The following CBFB variants were observed in gnomAD, a reference collection of about 807,000 sequenced individuals.
CBFB encodes the protein CBF-beta.
CBFB carries 9 observed loss-of-function variants against 30.4 expected under a neutral mutation model. That is an observed-to-expected ratio of 0.30 (90% CI 0.18 to 0.52). The LOEUF is 0.52. Ranked by LOEUF, CBFB falls within the 20% of genes least tolerant of loss-of-function variation. The pLI, the probability that CBFB is intolerant of heterozygous loss-of-function variation, is 0.97. For missense variants in CBFB, 170 were observed against 244.0 expected (o/e 0.70, Z 2.02); for synonymous variants, 94 against 84.0 (o/e 1.12, Z -0.65).
At chr16:67,088,001 A>G (rs1250862285) in intron 5 of CBFB, among the ~76,000 whole-genome samples, 1 of 152,178 alleles carries the variant, frequency 6.6e-6, no homozygotes, top group Non-Finnish European at 1.5e-5. Flanking sequence ...TCTGAAGTGT[A>G]TCAAGGCACT....
chr16:67,065,629 T>C lies in CBFB; in HGVS notation c.283-1053T>C, dbSNP rs549611574. On this transcript the variant is annotated intron_variant, in intron 3 of 5. Coordinates refer to ENST00000412916, the MANE Select transcript of CBFB (RefSeq NM_022845.3). Reference sequence around the variant, plus strand: ...CTGGCCTCAAATGATCCTCACACCTTGGCCTCCCAAAGTACTGGGATAACA... The same window carrying C: ...CTGGCCTCAAATGATCCTCACACCTCGGCCTCCCAAAGTACTGGGATAACA... 1.3e-4 allele frequency among the ~76,000 whole-genome samples: 20 copies of C among 152,318 alleles called. 1 individual carries two copies. In the South Asian group the frequency reaches 4.1e-3, roughly 32 times the overall value.
At chr16:67,030,054 G>C (rs1966308182) in intron 2 of CBFB, 1 of 443,198 alleles carries the variant, frequency 2.3e-6, no homozygotes, top group African/African-American at 2.1e-5. Flanking sequence ...CGCGAGTGGA[G>C]CTCGAACCCG....
At chr16:67,071,954 A>C (rs907639913) in intron 4 of CBFB, among the ~76,000 whole-genome samples, 1 of 152,146 alleles carries the variant, frequency 6.6e-6, no homozygotes, top group Non-Finnish European at 1.5e-5. Flanking sequence ...AGCCGGTGGC[A>C]GCCTCACTTC....
intron 4 of CBFB, among the ~76,000 whole-genome samples, chr16:67,077,842 G>T (rs1029065581): frequency 1.3e-5 from 2 of 152,216 alleles, no homozygotes; most frequent in African/African-American, 4.8e-5. Context: ...CGAATATTCT[G>T]TGTATGCTCT....
intron 3 of CBFB, among the ~76,000 whole-genome samples, chr16:67,038,308 A>G (rs958222882): frequency 7.3e-5 from 11 of 151,468 alleles, no homozygotes; most frequent in East Asian, 1.9e-4. Flanking sequence ...ACACGTATAT[A>G]TGTGTATATA....
chr16:67,037,666 A>ATTTTTTTTTTTTTTT (rs35804914), intron 3 of CBFB, among the ~76,000 whole-genome samples: 16 of 129,292 alleles, frequency 1.2e-4, no homozygotes, highest in African/African-American at 4.9e-4. Context: ...GATTTTGGTA[A>ATTTTTTTTTTTTTTT]TTTTTTTTTT....
At chr16:67,075,172 A>G (rs1961351015) in intron 4 of CBFB, among the ~76,000 whole-genome samples, 1 of 150,294 alleles carries the variant, frequency 6.7e-6, no homozygotes, top group South Asian at 2.1e-4. Context: ...CCTGGGCAAC[A>G]GAGCGAGATT....
chr16:67,066,935 A>G (rs1044583422), intron 4 of CBFB, 137 bp downstream of exon 4: 8 of 500,962 alleles, frequency 1.6e-5, no homozygotes, highest in Non-Finnish European at 2.6e-5. Flanking sequence ...GAATCCTGAA[A>G]ATGTTGATAC....
intron 3 of CBFB, among the ~76,000 whole-genome samples, chr16:67,050,221 A>G (rs1265675158): frequency 6.8e-6 from 1 of 147,864 alleles, no homozygotes; most frequent in African/African-American, 2.5e-5. Flanking sequence ...TAATTTATAT[A>G]TCACATATTT....
At chr16:67,047,154 A>C (rs1047402274) in intron 3 of CBFB, among the ~76,000 whole-genome samples, 3 of 152,096 alleles carry the variant, frequency 2.0e-5, no homozygotes, top group African/African-American at 7.2e-5. Context: ...TACTAAAAAA[A>C]AAAAAAAATT....
chr16:67,091,558 G>A (rs1961880369), intron 5 of CBFB, among the ~76,000 whole-genome samples: 1 of 152,196 alleles, frequency 6.6e-6, no homozygotes, highest in Admixed American at 6.5e-5. Context: ...GCCCAGAAAT[G>A]CAGATTATTC....
chr16:67,064,812 GTTT>G (rs1961007684), intron 3 of CBFB, among the ~76,000 whole-genome samples: 2 of 151,786 alleles, frequency 1.3e-5, no homozygotes, highest in African/African-American at 2.4e-5. Context: ...GCAGAAATGG[GTTT>G]TTGTTTTTTG....
At chr16:67,090,167 G>T (rs976543102) in intron 5 of CBFB, among the ~76,000 whole-genome samples, 1 of 152,156 alleles carries the variant, frequency 6.6e-6, no homozygotes, top group African/African-American at 2.4e-5. Context: ...GGTATGAAGA[G>T]AACTTCCCAT....
chr16:67,083,537 A>C (rs1191109028), intron 5 of CBFB, among the ~76,000 whole-genome samples: 1 of 151,884 alleles, frequency 6.6e-6, no homozygotes, highest in Non-Finnish European at 1.5e-5. Flanking sequence ...CTCATGATCC[A>C]CCCACCTCAA....
chr16:67,066,572 A>G, intron 3 of CBFB, 110 bp from the exon 4 acceptor site: 1 of 564,224 alleles, frequency 1.8e-6, no homozygotes, highest in Non-Finnish European at 3.2e-6. Flanking sequence ...TCAATCAGTC[A>G]ATCATAATTT....
chr16:67,081,524 G>A (rs1187465038), intron 4 of CBFB, among the ~76,000 whole-genome samples: 1 of 152,010 alleles, frequency 6.6e-6, no homozygotes, highest in Non-Finnish European at 1.5e-5. Context: ...AAAAAAGGCT[G>A]GACAAGGTGG....
At chr16:67,096,303 T>A (rs1413010097) in intron 5 of CBFB, among the ~76,000 whole-genome samples, 1 of 151,394 alleles carries the variant, frequency 6.6e-6, no homozygotes, top group Non-Finnish European at 1.5e-5. Context: ...AGAGCAAGAC[T>A]CTGTCTCAAA....
intron 3 of CBFB, among the ~76,000 whole-genome samples, chr16:67,064,494 C>T (rs11861012): frequency 0.021 from 3,167 of 152,220 alleles, 103 homozygotes; most frequent in African/African-American, 0.072. Context: ...CGTGAGCCAC[C>T]GTGCCCAGCC....
intron 5 of CBFB, among the ~76,000 whole-genome samples, chr16:67,098,357 G>A (rs1375040919): frequency 5.3e-5 from 8 of 152,132 alleles, no homozygotes; most frequent in South Asian, 2.1e-4. Context: ...GGCTGGTCTC[G>A]AACTCCTGAC....
Sources: allele counts gnomAD v4.1 joint callset (sites outside exome capture counted in the v4.1 genomes callset), GRCh38; gene constraint gnomAD v4.1.1; transcripts MANE v1.5; gene names NCBI Gene and HGNC (gene_info 2026-07-23, HGNC 2026-07-21).